The following TLE4 variants were observed in gnomAD, a reference collection of about 807,000 sequenced individuals.
TLE4 encodes transducin-like enhancer protein 4.
Under a neutral mutation model 92.8 loss-of-function variants are expected in TLE4, and 8 were observed. The observed-to-expected ratio is 0.09, with a 90% CI of 0.05 to 0.16. The LOEUF is 0.16. Among genes scored for constraint, TLE4 ranks in the 10% least tolerant of loss-of-function variants. The pLI is 1.00. For missense variants in TLE4, 675 were observed against 997.6 expected (o/e 0.68, Z 4.36); for synonymous variants, 371 against 374.1 (o/e 0.99, Z 0.10).
chr9:79,661,470 A>T (rs942523577), intron 8 of TLE4, among the ~76,000 whole-genome samples: 1 of 152,214 alleles, frequency 6.6e-6, no homozygotes, highest in African/African-American at 2.4e-5. Context: ...TTAGAGAGTC[A>T]TATCTGATTA....
intron 6 of TLE4, among the ~76,000 whole-genome samples, chr9:79,632,060 C>T (rs949490009): frequency 8.5e-5 from 13 of 152,198 alleles, no homozygotes; most frequent in African/African-American, 3.1e-4. Context: ...GCCACTACAA[C>T]ATGTGTCCCA....
At chr9:79,638,440 A>G (rs1194026875) in intron 6 of TLE4, among the ~76,000 whole-genome samples, 1 of 152,180 alleles carries the variant, frequency 6.6e-6, no homozygotes, top group African/African-American at 2.4e-5. Context: ...AGTTAGAGCT[A>G]ACTGTGCCTT....
intron 8 of TLE4, chr9:79,704,569 C>A: frequency 1.8e-6 from 1 of 559,770 alleles, no homozygotes; most frequent in Non-Finnish European, 3.1e-6. Flanking sequence ...CTTTCTTTCC[C>A]ATTATCTTTC....
intron 4 of TLE4, among the ~76,000 whole-genome samples, chr9:79,589,823 A>G (rs2042100980): frequency 1.3e-5 from 2 of 151,990 alleles, no homozygotes; most frequent in South Asian, 4.2e-4. Context: ...ATTCTACCCA[A>G]CTGAGGCATT....
intron 6 of TLE4, among the ~76,000 whole-genome samples, chr9:79,636,008 G>C (rs2055699714): frequency 6.6e-6 from 1 of 151,932 alleles, no homozygotes; most frequent in Non-Finnish European, 1.5e-5. Flanking sequence ...TCTCCTCCTG[G>C]TCCAAGTAAT....
rs761883732 is a variant in TLE4, at chr9:79,708,139, G to A, written c.958G>A (p.Val320Ile). ...LSLNEKSTTP[V>I]SKSNTPTPRT... ...TTAGAATGAAAAATCTACTACTCCC[G>A]TCTCAAAGTCCAATACCCCTACTCC... Residue 320 changes from valine to isoleucine, a missense_variant, in exon 12 of 20, where the codon GTC becomes ATC. Coordinates refer to ENST00000376552, the MANE Select transcript of TLE4 (RefSeq NM_007005.6). 82 of 1,613,556 alleles carry A rather than the reference G, an allele frequency of 5.1e-5. No individual in the cohort carries two copies. The highest frequency in any genetic ancestry group is 6.7e-5 in the African/African-American group (5 of 74,782).
chr9:79,618,500 C>T (rs951730730), intron 5 of TLE4, among the ~76,000 whole-genome samples: 1 of 152,182 alleles, frequency 6.6e-6, no homozygotes, highest in Non-Finnish European at 1.5e-5. Context: ...CCAGTGGCTT[C>T]CTAATTCTCA....
At chr9:79,592,183 C>CTTCT (rs1564202590) in intron 4 of TLE4, among the ~76,000 whole-genome samples, 32 of 135,360 alleles carry the variant, frequency 2.4e-4, no homozygotes, top group East Asian at 1.7e-3. Context: ...CTTCCTCTTC[C>CTTCT]TCTTCTTCTT....
chr9:79,589,783 C>T (rs1189297871), intron 4 of TLE4, among the ~76,000 whole-genome samples: 6 of 152,118 alleles, frequency 3.9e-5, no homozygotes, highest in African/African-American at 1.4e-4. Flanking sequence ...ACCGGGCTGC[C>T]TGAGAATTCA....
intron 8 of TLE4, among the ~76,000 whole-genome samples, chr9:79,695,952 T>C (rs2068152401): frequency 6.6e-6 from 1 of 152,192 alleles, no homozygotes; most frequent in Non-Finnish European, 1.5e-5. Flanking sequence ...TGACACCTGC[T>C]ACTTATATCA....
At chr9:79,574,306 A>T (rs1344861041) in intron 2 of TLE4, 2 of 152,286 alleles carry the variant, frequency 1.3e-5, no homozygotes, top group African/African-American at 2.4e-5. Context: ...CTGGCTTTTT[A>T]ATGATGCCTA....
At chr9:79,573,483 G>T in intron 1 of TLE4, 1 of 963,210 alleles carries the variant, frequency 1.0e-6, no homozygotes, top group Non-Finnish European at 1.4e-6. Flanking sequence ...GCGGGCGGGA[G>T]TATGCGGGGC....
At chr9:79,720,373 TATGG>T (rs2075366673) in intron 16 of TLE4, 80 bp downstream of exon 16, 1 of 1,311,820 alleles carries the variant, frequency 7.6e-7, no homozygotes, top group Non-Finnish European at 1.0e-6. Flanking sequence ...TGTATATAGG[TATGG>T]GTGTGTGTGT....
At chr9:79,640,293 A>C (rs1254242796) in intron 6 of TLE4, among the ~76,000 whole-genome samples, 1 of 152,160 alleles carries the variant, frequency 6.6e-6, no homozygotes, top group Non-Finnish European at 1.5e-5. Context: ...GAAACGAAGA[A>C]ACAGGTTAAA....
chr9:79,716,188 C>T (rs555295553), intron 14 of TLE4, among the ~76,000 whole-genome samples: 2 of 152,326 alleles, frequency 1.3e-5, no homozygotes, highest in African/African-American at 4.8e-5. Context: ...TGTCCCTTCA[C>T]TCTTATATCC....
At chr9:79,650,147 C>G (rs566141507) in intron 6 of TLE4, among the ~76,000 whole-genome samples, 1 of 152,190 alleles carries the variant, frequency 6.6e-6, no homozygotes, top group African/African-American at 2.4e-5. Context: ...AACTCCTGGG[C>G]TCAAGTGATC....
chr9:79,708,657 C>T lies in TLE4; in HGVS notation c.1134C>T (p.Pro378=). The T allele has an allele frequency of 6.2e-7, 1 of 1,614,098 alleles. No individual in the cohort carries two copies. The highest frequency in any genetic ancestry group is 2.2e-5 in the East Asian group (1 of 44,870). Residue 378 remains proline, a synonymous_variant, in exon 13 of 20, where the codon CCC becomes CCT. Transcript: ENST00000376552. ...CPYPTPFGIV[P]HAGMNGELTS... is the part of the protein sequence containing the mutation. ...ATCCAACTCCATTTGGGATTGTGCC[C>T]CATGCTGGAATGAACGGAGAGCTGA...
chr9:79,718,573 T>C, intron 14 of TLE4, 149 bp from the exon 15 acceptor site: 1 of 1,232,312 alleles, frequency 8.1e-7, no homozygotes, highest in Non-Finnish European at 1.1e-6. Flanking sequence ...TTCTGGAAAT[T>C]ATGTTCTTTA....
At position 79,590,163 on chromosome 9, in the gene TLE4, A is replaced by AC. The variant is rs574893071; in HGVS notation, c.252+13993dup. 1.6e-3 allele frequency among the ~76,000 whole-genome samples: 246 copies of AC among 152,020 alleles called. 1 individual carries two copies. The highest frequency in any genetic ancestry group is 5.5e-3 in the African/African-American group (230 of 41,448). ...GTTTTACCTCTGGCTAGCTTGGTTA[A>AC]CCCCCCCAAAATATAGTCAACCTAA... is the stretch of plus-strand genomic sequence containing the variant. On this transcript the variant is annotated intron_variant, in intron 4 of 19. Transcript: ENST00000376552.
Sources: allele counts gnomAD v4.1 joint callset (sites outside exome capture counted in the v4.1 genomes callset), GRCh38; gene constraint gnomAD v4.1.1; transcripts MANE v1.5; gene names NCBI Gene and HGNC (gene_info 2026-07-23, HGNC 2026-07-21).